Variants in SLC1A2 observed in about 807,000 individuals in gnomAD.
SLC1A2 encodes the protein excitatory amino acid transporter 2.
In SLC1A2, 15 loss-of-function variants were observed where a neutral mutation model predicts 48.8. The ratio of observed to expected loss-of-function variants is 0.31; its 90% confidence interval spans 0.21 to 0.47. SLC1A2 has a LOEUF of 0.47. Ranked by LOEUF, SLC1A2 falls within the 20% of genes least tolerant of loss-of-function variation. The pLI is 0.99. For missense variants in SLC1A2, 502 were observed against 730.5 expected, an observed-to-expected ratio of 0.69 and a Z score of 3.61; for synonymous variants, 279 against 272.6, an observed-to-expected ratio of 1.02 and a Z score of -0.23.
intron 9 of SLC1A2, among the ~76,000 whole-genome samples, chr11:35,272,294 T>C (rs1367810008): frequency 6.6e-6 from 1 of 152,334 alleles, no homozygotes; most frequent in African/African-American, 2.4e-5. Flanking sequence ...GGTAAGATTA[T>C]GAAAATAGGT....
At chr11:35,415,370 G>A (rs1590296058) in intron 1 of SLC1A2, among the ~76,000 whole-genome samples, 1 of 152,168 alleles carries the variant, frequency 6.6e-6, no homozygotes, top group Non-Finnish European at 1.5e-5. Context: ...ACTCACAAGC[G>A]ACTGTCTTAG....
intron 4 of SLC1A2, among the ~76,000 whole-genome samples, chr11:35,309,616 C>T (rs1851624276): frequency 6.6e-6 from 1 of 152,198 alleles, no homozygotes; most frequent in African/African-American, 2.4e-5. Flanking sequence ...GCTCATCTTC[C>T]TCTTTACATT....
intron 10 of SLC1A2, among the ~76,000 whole-genome samples, chr11:35,264,669 T>C (rs1010210785): frequency 2.0e-5 from 3 of 152,216 alleles, no homozygotes; most frequent in Non-Finnish European, 2.9e-5. Flanking sequence ...ATGTAGTGTT[T>C]TTAAAAAGAC....
chr11:35,312,305 G>T lies in SLC1A2; in HGVS notation c.454C>A (p.Gln152Lys). Residue 152 changes from glutamine to lysine, a missense_variant, in exon 4 of 11, where the codon CAG becomes AAG. Transcript: ENST00000278379. Reference protein sequence around the residue: ...IHPGNPKLKKQLGPGKKNDEV... With the variant: ...IHPGNPKLKKKLGPGKKNDEV... ...TCATTCTTCTTCCCAGGCCCCAGCT[G>T]CTTCTTGAGCTTGGGATTGCCTGGA... 1.2e-6 allele frequency: 2 copies of T among 1,614,118 alleles called. No individual in the cohort carries two copies. The highest frequency in any genetic ancestry group is 1.7e-6 in the Non-Finnish European group (2 of 1,179,994).
intron 1 of SLC1A2, among the ~76,000 whole-genome samples, chr11:35,402,041 TC>T (rs1855154535): frequency 6.6e-6 from 1 of 152,000 alleles, no homozygotes; most frequent in Admixed American, 6.6e-5. Flanking sequence ...GAGTGGAAAG[TC>T]AGGCACTCGT....
chr11:35,371,954 G>A (rs889878464), intron 1 of SLC1A2, among the ~76,000 whole-genome samples: 1 of 152,218 alleles, frequency 6.6e-6, no homozygotes, highest in Non-Finnish European at 1.5e-5. Context: ...AATGATAGTA[G>A]CCTGAGAGTT....
rs547572107 is a variant in SLC1A2 at position 35,340,118 on chromosome 11, C to T, written c.18-22602G>A. Among the ~76,000 whole-genome samples the T allele has an allele frequency of 5.9e-5, 9 of 152,278 alleles. No homozygotes were observed. The South Asian group carries it at 1.0e-3, about 18-fold the overall frequency. On this transcript the variant is annotated intron_variant, in intron 1 of 10. Coordinates refer to ENST00000278379, the MANE Select transcript of SLC1A2 (RefSeq NM_004171.4). ...CACACTGACATGAGCTCTCTGCTCA[C>T]GTGTCACTTCTCTGAGCAGAGAGAA...
At position 35,284,107 on chromosome 11, in the gene SLC1A2, AT is replaced by A. The variant is rs1565213195; in HGVS notation, c.1286+2649del. Among the ~76,000 whole-genome samples the A allele has an allele frequency of 1.8e-3, 260 of 144,286 alleles. 7 individuals are homozygous for A. Among genetic ancestry groups the A allele is most frequent in the African/African-American group, 6.3e-3 (248 of 39,516 alleles). 94.7% of individuals were successfully genotyped at this position (144,286 alleles called of 152,430 possible). A position where few individuals can be genotyped will look rare whatever the true frequency, so the allele number is the denominator to read the frequency against. On this transcript the variant is annotated intron_variant, in intron 8 of 10. Transcript: ENST00000278379. Reference sequence around the variant, plus strand: ...TTTTATTATATATATATATATATATATATAAATTATTATTTTGCAACCCAAC... The same window carrying A: ...TTTTATTATATATATATATATATATAATAAATTATTATTTTGCAACCCAAC...
rs1444497699 is a variant in SLC1A2, at chr11:35,334,995, GAATCACACC to G, written c.18-17488_18-17480del. On this transcript the variant is annotated intron_variant, in intron 1 of 10. Coordinates refer to ENST00000278379, the MANE Select transcript of SLC1A2 (RefSeq NM_004171.4). ...CGGGTAGCTAGGAGTAGACAGCTGG[GAATCACACC>G]TTGGTCTGTCTTCATCCAAACCCAA... Among the ~76,000 whole-genome samples the G allele has an allele frequency of 2.0e-5, 3 of 152,222 alleles. No homozygotes were observed. The East Asian group carries it at 5.8e-4, about 29-fold the overall frequency.
intron 6 of SLC1A2, among the ~76,000 whole-genome samples, chr11:35,300,966 G>A (rs749402083): frequency 6.6e-6 from 1 of 152,250 alleles, no homozygotes; most frequent in Non-Finnish European, 1.5e-5. Context: ...CCGAGCCTGC[G>A]ATGAGCCATG....
At chr11:35,326,404 C>T (rs1020293074) in intron 1 of SLC1A2, among the ~76,000 whole-genome samples, 1 of 152,206 alleles carries the variant, frequency 6.6e-6, no homozygotes, top group Non-Finnish European at 1.5e-5. Flanking sequence ...TCTGAAGTTT[C>T]TCAAACTGAG....
At chr11:35,351,334 A>G (rs1853245132) in intron 1 of SLC1A2, among the ~76,000 whole-genome samples, 1 of 152,186 alleles carries the variant, frequency 6.6e-6, no homozygotes, top group South Asian at 2.1e-4. Flanking sequence ...TCCCAAAATG[A>G]CCAGAACATC....
chr11:35,357,785 G>T (rs1313716412), intron 1 of SLC1A2, among the ~76,000 whole-genome samples: 1 of 152,098 alleles, frequency 6.6e-6, no homozygotes, highest in Non-Finnish European at 1.5e-5. Context: ...AACAACCAAG[G>T]CTAGAAAAGA....
At chr11:35,401,554 G>A (rs573779216) in intron 1 of SLC1A2, among the ~76,000 whole-genome samples, 26 of 152,270 alleles carry the variant, frequency 1.7e-4, no homozygotes, top group Admixed American at 1.5e-3. Flanking sequence ...CAGCGTTTCA[G>A]GTTTGCTTTA....
intron 1 of SLC1A2, among the ~76,000 whole-genome samples, chr11:35,363,338 C>G (rs987118379): frequency 5.3e-5 from 8 of 152,132 alleles, no homozygotes; most frequent in African/African-American, 1.9e-4. Context: ...CAGGCTGTTG[C>G]CTGGTAGTGG....
intron 1 of SLC1A2, among the ~76,000 whole-genome samples, chr11:35,380,764 G>C (rs1854395395): frequency 6.6e-6 from 1 of 152,242 alleles, no homozygotes. Flanking sequence ...TGCACGGGCA[G>C]TGCCTCAGTG....
intron 1 of SLC1A2, among the ~76,000 whole-genome samples, chr11:35,335,454 C>T (rs565762930): frequency 1.8e-4 from 27 of 152,338 alleles, no homozygotes; most frequent in Non-Finnish European, 2.9e-4. Context: ...CCCAGTACTC[C>T]TCTGGCCTGT....
At chr11:35,331,852 A>G (rs1852441112) in intron 1 of SLC1A2, among the ~76,000 whole-genome samples, 1 of 152,108 alleles carries the variant, frequency 6.6e-6, no homozygotes, top group South Asian at 2.1e-4. Context: ...TCACATTCAT[A>G]TGGTTTGCCT....
intron 1 of SLC1A2, among the ~76,000 whole-genome samples, chr11:35,378,988 G>A (rs1854331426): frequency 6.6e-6 from 1 of 152,212 alleles, no homozygotes; most frequent in Non-Finnish European, 1.5e-5. Context: ...CAGCACTTTG[G>A]GAGGCCGAGG....
Sources: gnomAD v4.1 joint callset for allele counts (sites outside exome capture counted in the v4.1 genomes callset) on GRCh38, gnomAD v4.1.1 for gene constraint, MANE v1.5 for transcripts, NCBI Gene and HGNC (gene_info 2026-07-23, HGNC 2026-07-21) for gene names.